TGFB2: variants seen among roughly 807,000 people sequenced by gnomAD.
TGFB2 encodes the protein transforming growth factor beta 2.
In TGFB2, 13 loss-of-function variants were observed where a neutral mutation model predicts 42.7. The ratio of observed to expected loss-of-function variants is 0.30; its 90% CI spans 0.20 to 0.48. TGFB2 has a LOEUF of 0.48. Among genes scored for constraint, TGFB2 ranks in the 20% least tolerant of loss-of-function variants. The probability of loss-of-function intolerance (pLI) is 0.99; values close to 1 mark genes in which losing one functional copy is unlikely to be tolerated. For missense variants in TGFB2, 390 were observed against 517.5 expected (o/e 0.75, Z 2.39); for synonymous variants, 193 against 193.6 (o/e 1.00, Z 0.03).
At chr1:218,420,718 T>G (rs1659427699) in intron 2 of TGFB2, among the ~76,000 whole-genome samples, 1 of 152,180 alleles carries the variant, frequency 6.6e-6, no homozygotes, top group Non-Finnish European at 1.5e-5. Flanking sequence ...GCGTATGCCA[T>G]ACTGTATCAT....
chr1:218,442,849 C>T lies in TGFB2; in HGVS notation c.*1487C>T, dbSNP rs1660201198. Reference sequence around the variant, plus strand: ...TTTTAGCAAGGATTTAGGGTTCTAACTAAAACTCAGAATCTTTATTGAGTT... The same window carrying T: ...TTTTAGCAAGGATTTAGGGTTCTAATTAAAACTCAGAATCTTTATTGAGTT... On this transcript the variant is annotated 3_prime_UTR_variant, in exon 7 of 7. Coordinates refer to ENST00000366930, the MANE Select transcript of TGFB2 (RefSeq NM_003238.6). 6.6e-6 allele frequency: 1 copy of T among 152,046 alleles called. No individual in the cohort carries two copies. The allele number at this position is 152,046 out of a possible 1,614,324, so 9.4% of individuals were successfully genotyped here. A position where few individuals can be genotyped will look rare whatever the true frequency, so the allele number is the denominator to read the frequency against.
At chr1:218,347,501 G>A (rs10482724) in intron 1 of TGFB2, among the ~76,000 whole-genome samples, 19,333 of 152,134 alleles carry the variant, frequency 0.13, 1,497 homozygotes, top group South Asian at 0.24. Context: ...AGCCTCTCCG[G>A]AAGGCGCCCC....
chr1:218,384,366 T>A (rs1012154552), intron 1 of TGFB2, among the ~76,000 whole-genome samples: 3 of 152,234 alleles, frequency 2.0e-5, no homozygotes, highest in Admixed American at 2.0e-4. Flanking sequence ...GCATGTTAAA[T>A]GCTTCCTATA....
At chr1:218,400,746 TGTG>T (rs1251885162) in intron 1 of TGFB2, among the ~76,000 whole-genome samples, 1 of 152,168 alleles carries the variant, frequency 6.6e-6, no homozygotes, top group Non-Finnish European at 1.5e-5. Context: ...ACTGCCAGCT[TGTG>T]GTGGGGACAG....
intron 1 of TGFB2, among the ~76,000 whole-genome samples, chr1:218,403,475 G>A (rs1441278299): frequency 6.6e-6 from 1 of 152,158 alleles, no homozygotes; most frequent in Non-Finnish European, 1.5e-5. Context: ...AATCGTCAGG[G>A]CATGGATTTC....
At chr1:218,379,127 T>TTC (rs1657861031) in intron 1 of TGFB2, among the ~76,000 whole-genome samples, 1 of 26,226 alleles carries the variant, frequency 3.8e-5, no homozygotes, top group African/African-American at 1.4e-4. Flanking sequence ...TCTTTCTTTC[T>TTC]TTCTTTTTTT....
rs745440967 is a variant in TGFB2 at position 218,436,154 on chromosome 1, G to GAAAGA, written c.932+12_932+16dup. 1.2e-6 allele frequency: 2 copies of GAAAGA among 1,603,012 alleles called. No individual in the cohort carries two copies. Among genetic ancestry groups the GAAAGA allele is most frequent in the Admixed American group, 3.5e-5 (2 of 56,884 alleles). On this transcript the variant is annotated splice_region_variant and intron_variant, in intron 5 of 6. Coordinates refer to ENST00000366930, the MANE Select transcript of TGFB2 (RefSeq NM_003238.6). ...ATGCGGCCTATTGCTTTAGGTAAAG[G>GAAAGA]AAAGAAAAGTAAAACCAAGTAATTG... is the stretch of plus-strand genomic sequence containing the variant.
intron 1 of TGFB2, among the ~76,000 whole-genome samples, chr1:218,364,409 C>T (rs1013479789): frequency 1.3e-5 from 2 of 152,162 alleles, no homozygotes; most frequent in Non-Finnish European, 2.9e-5. Flanking sequence ...ATATGCTGGA[C>T]GATGAGTCCA....
rs893818085 is a variant in TGFB2 at position 218,349,356 on chromosome 1, G to GA, written c.346+2316dup. ...ACCCTTCCAAAAAAAAGGAAAAAAA[G>GA]AAAAAAACCATATTTTTAAAAAGCA... On this transcript the variant is annotated intron_variant, in intron 1 of 6. Transcript: ENST00000366930. Among the ~76,000 whole-genome samples, 82 of 152,158 alleles carry GA rather than the reference G, an allele frequency of 5.4e-4. 1 individual carries two copies. In the Middle Eastern group the frequency reaches 0.01, roughly 19 times the overall value.
chr1:218,369,208 T>G (rs1229608226), intron 1 of TGFB2, among the ~76,000 whole-genome samples: 1 of 129,042 alleles, frequency 7.7e-6, no homozygotes, highest in Non-Finnish European at 1.5e-5. Flanking sequence ...TAAGCCGAGA[T>G]CGTGCCTCTT....
rs1203688629 is a variant in TGFB2 at position 218,363,245 on chromosome 1, TCCC to T, written c.346+16199_346+16201del. The T allele has an allele frequency of 7.3e-6, 8 of 1,095,344 alleles. No individual in the cohort carries two copies. The African/African-American group carries it at 9.2e-5, about 13-fold the overall frequency. The allele number at this position is 1,095,344 out of a possible 1,614,324, so 67.9% of individuals were successfully genotyped here. On this transcript the variant is annotated intron_variant, in intron 1 of 6. Coordinates refer to ENST00000366930, the MANE Select transcript of TGFB2 (RefSeq NM_003238.6). ...GGAAATGATAAGAACATTCAATGAGTCCCTCTTCTACTTTGAATCTTTGTATAG... is the reference window on the plus strand; with the variant it reads ...GGAAATGATAAGAACATTCAATGAGTTCTTCTACTTTGAATCTTTGTATAG...
intron 2 of TGFB2, among the ~76,000 whole-genome samples, chr1:218,408,558 C>T (rs753173169): frequency 1.3e-5 from 2 of 152,118 alleles, no homozygotes; most frequent in Admixed American, 1.3e-4. Flanking sequence ...CTATACAACT[C>T]CTGAAGCACA....
rs769584211 is a variant in TGFB2, at chr1:218,346,682, T to C, written c.-20T>C. The C allele has an allele frequency of 2.6e-6, 4 of 1,568,134 alleles. No homozygotes were observed. In the East Asian group the frequency reaches 9.0e-5, roughly 35 times the overall value. ...TATTCTGACTTTTAAAAACAACTTTTTTTTCCACTTTTTTAAAAAATGCAC... is the reference window on the plus strand; with the variant it reads ...TATTCTGACTTTTAAAAACAACTTTCTTTTCCACTTTTTTAAAAAATGCAC... On this transcript the variant is annotated 5_prime_UTR_variant, in exon 1 of 7. Transcript: ENST00000366930. This position sits in a 1 kb window ranked among gnomAD's most constrained non-coding sequence, Gnocchi z 4.9.
chr1:218,433,310 G>A (rs1161417592), intron 2 of TGFB2, among the ~76,000 whole-genome samples: 5 of 152,002 alleles, frequency 3.3e-5, no homozygotes, highest in Non-Finnish European at 7.4e-5. Flanking sequence ...CAAGTGATCC[G>A]TCCAACTCAG....
At chr1:218,402,673 G>A (rs1358325319) in intron 1 of TGFB2, among the ~76,000 whole-genome samples, 1 of 152,220 alleles carries the variant, frequency 6.6e-6, no homozygotes, top group Non-Finnish European at 1.5e-5. Flanking sequence ...TTGTGAAAGT[G>A]GAAGAGGCCT....
chr1:218,380,286 G>C (rs1424411989), intron 1 of TGFB2, among the ~76,000 whole-genome samples: 1 of 152,166 alleles, frequency 6.6e-6, no homozygotes, highest in African/African-American at 2.4e-5. Context: ...TTGTGTGTTT[G>C]GGGACGGACA....
intron 1 of TGFB2, among the ~76,000 whole-genome samples, chr1:218,376,224 A>T (rs773137802): frequency 6.6e-6 from 1 of 152,200 alleles, no homozygotes; most frequent in Non-Finnish European, 1.5e-5. Flanking sequence ...AGGCAGAATG[A>T]CATTCTTTAT....
chr1:218,432,016 T>C (rs1659822913), intron 2 of TGFB2, among the ~76,000 whole-genome samples: 1 of 152,202 alleles, frequency 6.6e-6, no homozygotes. Context: ...CAGCATTTAT[T>C]TTAATCTTAT....
At chr1:218,411,444 G>A (rs1321966939) in intron 2 of TGFB2, among the ~76,000 whole-genome samples, 1 of 152,068 alleles carries the variant, frequency 6.6e-6, no homozygotes, top group Non-Finnish European at 1.5e-5. Context: ...CTGGAAGGCC[G>A]GGCTCAGCTG....
Sources: gnomAD v4.1 joint callset for allele counts (sites outside exome capture counted in the v4.1 genomes callset) on GRCh38, gnomAD v4.1.1 for gene constraint, Gnocchi (gnomAD v3.1) non-coding constraint, MANE v1.5 for transcripts, NCBI Gene and HGNC (gene_info 2026-07-23, HGNC 2026-07-21) for gene names.